The following SGCB variants were observed in gnomAD, a reference collection of about 807,000 sequenced individuals.
SGCB encodes sarcoglycan beta, also known as beta-sarcoglycan.
SGCB carries 25 observed loss-of-function variants against 27.3 expected under a neutral mutation model. That is an observed-to-expected ratio of 0.92 (90% CI 0.67 to 1.28). The LOEUF (loss-of-function observed/expected upper bound fraction) is 1.28. SGCB is among the 50% of genes most tolerant of loss of function. The pLI is 0.00. For synonymous variants in SGCB, 147 were observed against 133.5 expected, an observed-to-expected ratio of 1.10 and a Z score of -0.70; for missense variants, 436 against 402.1, an observed-to-expected ratio of 1.08 and a Z score of -0.72.
chr4:52,025,747 G>C (rs1161961345), intron 5 of SGCB, among the ~76,000 whole-genome samples: 1 of 152,214 alleles, frequency 6.6e-6, no homozygotes, highest in Non-Finnish European at 1.5e-5. Context: ...CCAGGAGGCT[G>C]TTCCAACCAT....
chr4:52,038,084 C>CCCCCCCCCCCCCAAGG, intron 1 of SGCB, 143 bp downstream of exon 1: 1 of 182,058 alleles, frequency 5.5e-6, no homozygotes, highest in Non-Finnish European at 1.0e-5. Context: ...CCTCCCGCCC[C>CCCCCCCCCCCCCAAGG]GCCCCGCCCC....
intron 2 of SGCB, among the ~76,000 whole-genome samples, 187 bp downstream of exon 2, chr4:52,033,243 AT>A (rs1198375901): frequency 6.6e-6 from 1 of 152,124 alleles, no homozygotes; most frequent in Middle Eastern, 3.2e-3. Context: ...ACCCATGCAC[AT>A]TTTTTTGTAA....
intron 5 of SGCB, among the ~76,000 whole-genome samples, chr4:52,027,594 T>G (rs1737131713): frequency 6.6e-6 from 1 of 150,600 alleles, no homozygotes; most frequent in Admixed American, 6.6e-5. Context: ...AGAAGGTTTT[T>G]TTTTTTGCCT....
rs1299090215 is a variant in SGCB at position 52,038,268 on chromosome 4, G to C, written c.-9C>G. On this transcript the variant is annotated 5_prime_UTR_variant, in exon 1 of 6. Transcript: ENST00000381431. ...GCCGCCGCTGCCGCCATCTTCCCGC[G>C]CCCGCCGCCGCCGAGCTCCCCGCCC... 3.1e-6 allele frequency: 4 copies of C among 1,292,688 alleles called. No homozygotes were observed. Among genetic ancestry groups the C allele is most frequent in the African/African-American group, 3.1e-5 (2 of 65,106 alleles). The allele number at this position is 1,292,688 out of a possible 1,614,324, so 80.1% of individuals were successfully genotyped here.
At chr4:52,031,551 T>G (rs1322790954) in intron 2 of SGCB, among the ~76,000 whole-genome samples, 1 of 151,968 alleles carries the variant, frequency 6.6e-6, no homozygotes, top group African/African-American at 2.4e-5. Flanking sequence ...TGTGCCTGGC[T>G]TGTGCCTTTT....
rs565661472 is a variant in SGCB, at chr4:52,035,857, TAA to T, written c.34-2219_34-2218del. On this transcript the variant is annotated intron_variant, in intron 1 of 5. Coordinates refer to ENST00000381431, the MANE Select transcript of SGCB (RefSeq NM_000232.5). ...GCCAAAGTTTGAATATAGGTCCACA[TAA>T]AAGAGAGAAAGGACAAAATTCATCC... Among the ~76,000 whole-genome samples the T allele has an allele frequency of 6.6e-5, 10 of 152,278 alleles. No individual in the cohort carries two copies. The South Asian group carries it at 2.1e-3, about 32-fold the overall frequency.
At chr4:52,037,870 T>G (rs778554737) in intron 1 of SGCB, among the ~76,000 whole-genome samples, 1 of 152,148 alleles carries the variant, frequency 6.6e-6, no homozygotes, top group Non-Finnish European at 1.5e-5. Context: ...GTTATTTTTA[T>G]CCAAATCTCT....
chr4:52,024,358 T>C (rs1012699983), intron 5 of SGCB, among the ~76,000 whole-genome samples, 198 bp from the exon 6 acceptor site: 14 of 152,190 alleles, frequency 9.2e-5, no homozygotes, highest in African/African-American at 3.4e-4. Context: ...CATATATCCA[T>C]AACATATGTA....
intron 2 of SGCB, among the ~76,000 whole-genome samples, chr4:52,032,811 C>G (rs1194437205): frequency 1.3e-5 from 2 of 152,150 alleles, no homozygotes; most frequent in Non-Finnish European, 2.9e-5. Context: ...GCCAGAGTTT[C>G]AGATTTAACC....
chr4:52,026,320 G>A (rs1468165959), intron 5 of SGCB, among the ~76,000 whole-genome samples: 32 of 141,914 alleles, frequency 2.3e-4, no homozygotes, highest in African/African-American at 7.1e-4. Context: ...GTGCAGTGGC[G>A]CGATCTGGGT....
chr4:52,025,904 G>T (rs1737077209), intron 5 of SGCB, among the ~76,000 whole-genome samples: 2 of 152,204 alleles, frequency 1.3e-5, no homozygotes, highest in East Asian at 3.9e-4. Context: ...AATACTGAAA[G>T]AAATGCATGC....
At chr4:52,033,179 G>A (rs776290601) in intron 2 of SGCB, among the ~76,000 whole-genome samples, 12 of 152,160 alleles carry the variant, frequency 7.9e-5, no homozygotes, top group Non-Finnish European at 1.0e-4. Flanking sequence ...ATTGAGCTAG[G>A]TGGGAGCCTC....
In SGCB at chr4:52,027,998, A is replaced by C; in HGVS notation, c.723T>G (p.Phe241Leu). Residue 241 changes from phenylalanine (F) to leucine (L), a missense_variant, in exon 5 of 6, where the codon TTT becomes TTG. Coordinates refer to ENST00000381431, the MANE Select transcript of SGCB (RefSeq NM_000232.5). ...TTAACTCCATATTACCACCCATGTG[A>C]AATTCAATGGTTTTGCCCATAATGA... Reference protein sequence around the residue: ...GVFIMGKTIEFHMGGNMELKA... With the variant: ...GVFIMGKTIELHMGGNMELKA... 1 of 1,613,946 alleles carries C rather than the reference A, an allele frequency of 6.2e-7. No homozygotes were observed. Among genetic ancestry groups the C allele is most frequent in the Non-Finnish European group, 8.5e-7 (1 of 1,179,844 alleles).
chr4:52,033,644 A>C lies in SGCB; in HGVS notation c.34-4T>G. 2 of 1,607,686 alleles carry C rather than the reference A, an allele frequency of 1.2e-6. No homozygotes were observed. Among genetic ancestry groups the C allele is most frequent in the Non-Finnish European group, 1.7e-6 (2 of 1,174,274 alleles). Reference sequence around the variant, plus strand: ...TTACAGGACCATTGGAACTTTGCTAAAAATGAAATACAACATAATGGAACA... The same window carrying C: ...TTACAGGACCATTGGAACTTTGCTACAAATGAAATACAACATAATGGAACA... On this transcript the variant is annotated splice_polypyrimidine_tract_variant and splice_region_variant and intron_variant, in intron 1 of 5. Transcript: ENST00000381431.
At chr4:52,036,797 C>A (rs970029514) in intron 1 of SGCB, among the ~76,000 whole-genome samples, 2 of 152,318 alleles carry the variant, frequency 1.3e-5, no homozygotes, top group South Asian at 4.1e-4. Context: ...AAGCCCAGGA[C>A]AGCAGAACAT....
chr4:52,029,199 T>C (rs976546918), intron 3 of SGCB, among the ~76,000 whole-genome samples: 16 of 152,176 alleles, frequency 1.1e-4, no homozygotes, highest in Non-Finnish European at 1.8e-4. Flanking sequence ...GCAGGGGTGG[T>C]GGTAAGAATA....
At chr4:52,024,645 G>A (rs1006104437) in intron 5 of SGCB, among the ~76,000 whole-genome samples, 1 of 151,788 alleles carries the variant, frequency 6.6e-6, no homozygotes, top group African/African-American at 2.4e-5. Flanking sequence ...TGGCTAACAC[G>A]GTGAAACCTC....
chr4:52,024,759 C>A (rs1273494515), intron 5 of SGCB, among the ~76,000 whole-genome samples: 1 of 124,998 alleles, frequency 8.0e-6, no homozygotes, highest in Non-Finnish European at 1.6e-5. Flanking sequence ...ACCCGGGAGG[C>A]GGAGCTTGCA....
Position 52,033,533 on chromosome 4 carries a change from A to C in SGCB, c.141T>G (p.Ile47Met). ...NSNFKAGYIP[I>M]DEDRLHKTGL... ...CTGTTTTGTGGAGACGATCTTCATC[A>C]ATCGGAATGTATCCAGCTTTAAAGT... Residue 47 changes from isoleucine (I) to methionine (M), a missense_variant, in exon 2 of 6, where the codon ATT (isoleucine) becomes ATG (methionine). Ile to Met is a conservative substitution (Grantham distance 10, BLOSUM62 1). Transcript: ENST00000381431. 6.2e-7 allele frequency: 1 copy of C among 1,613,820 alleles called. No homozygotes were observed. The highest frequency in any genetic ancestry group is 8.5e-7 in the Non-Finnish European group (1 of 1,179,722).
Sources: gnomAD v4.1 joint callset for allele counts (sites outside exome capture counted in the v4.1 genomes callset) on GRCh38, gnomAD v4.1.1 for gene constraint, MANE v1.5 for transcripts, NCBI Gene and HGNC (gene_info 2026-07-23, HGNC 2026-07-21) for gene names.